SLC37A1: variants seen among roughly 807,000 people sequenced by gnomAD.
SLC37A1 encodes glucose-6-phosphate exchanger SLC37A1.
In SLC37A1, 49 loss-of-function variants were observed where a neutral mutation model predicts 75.3. That is an observed-to-expected ratio of 0.65 (90% CI 0.52 to 0.83). The LOEUF is 0.83. Among genes scored for constraint, SLC37A1 ranks in the 40% least tolerant of loss-of-function variants. The probability of loss-of-function intolerance (pLI) is 0.00; values close to 1 mark genes in which losing one functional copy is unlikely to be tolerated. For synonymous variants in SLC37A1, 268 were observed against 292.1 expected (o/e 0.92, Z 0.84); for missense variants, 566 against 695.0 (o/e 0.81, Z 2.09).
At chr21:42,578,154 G>GC (rs2056345515) in intron 18 of SLC37A1, among the ~76,000 whole-genome samples, 1 of 152,194 alleles carries the variant, frequency 6.6e-6, no homozygotes, top group Admixed American at 6.5e-5. Flanking sequence ...GTCCTGGGGG[G>GC]CCAGAGGGCA....
chr21:42,568,218 C>A, intron 16 of SLC37A1, 142 bp from the exon 17 acceptor site: 1 of 679,702 alleles, frequency 1.5e-6, no homozygotes, highest in Non-Finnish European at 2.6e-6. Flanking sequence ...CCAAGGCAAG[C>A]TTGGGGTGGA....
chr21:42,549,737 G>T (rs897762631), intron 9 of SLC37A1, among the ~76,000 whole-genome samples: 1 of 152,178 alleles, frequency 6.6e-6, no homozygotes, highest in African/African-American at 2.4e-5. Context: ...ACAAATGGGA[G>T]CTTTTGGGCA....
chr21:42,557,121 G>A (rs1033768510), intron 10 of SLC37A1, among the ~76,000 whole-genome samples: 6 of 152,232 alleles, frequency 3.9e-5, no homozygotes, highest in East Asian at 1.9e-4. Flanking sequence ...ACTTCTCTGC[G>A]GGTCAGAGGG....
upstream of SLC37A1, among the ~76,000 whole-genome samples, chr21:42,511,327 A>G (rs2054430737): frequency 1.3e-5 from 2 of 152,238 alleles, no homozygotes; most frequent in African/African-American, 4.8e-5. Flanking sequence ...TATGGGATGC[A>G]GCAAAAGCAG....
chr21:42,518,893 A>G (rs1196431406), intron 2 of SLC37A1, among the ~76,000 whole-genome samples: 1 of 152,278 alleles, frequency 6.6e-6, no homozygotes, highest in Non-Finnish European at 1.5e-5. Flanking sequence ...TTGCCGGGGC[A>G]GAACTTTCAG....
At chr21:42,511,686 G>C (rs2054434242), upstream of SLC37A1, among the ~76,000 whole-genome samples, 1 of 152,226 alleles carries the variant, frequency 6.6e-6, no homozygotes, top group South Asian at 2.1e-4. Flanking sequence ...TCAGGAGGCT[G>C]AGGGGGAGGA....
chr21:42,542,644 C>G (rs567832528), intron 7 of SLC37A1, among the ~76,000 whole-genome samples, 164 bp downstream of exon 7: 16 of 152,380 alleles, frequency 1.1e-4, no homozygotes, highest in South Asian at 2.1e-4. Flanking sequence ...TGGCCTGTGT[C>G]CCACGAGACA....
intron 8 of SLC37A1, among the ~76,000 whole-genome samples, chr21:42,544,226 G>T (rs1018781481): frequency 3.0e-4 from 45 of 152,142 alleles, no homozygotes; most frequent in Admixed American, 1.6e-3. Context: ...CTCGAATCCC[G>T]CAAGCCATTC....
intron 1 of SLC37A1, among the ~76,000 whole-genome samples, chr21:42,501,688 G>C (rs1601644432): frequency 6.6e-6 from 1 of 152,136 alleles, no homozygotes; most frequent in African/African-American, 2.4e-5. Context: ...CTCTGGCCTG[G>C]GCGACAAGAG....
chr21:42,541,933 G>A (rs1254296300), intron 6 of SLC37A1, among the ~76,000 whole-genome samples: 1 of 152,052 alleles, frequency 6.6e-6, no homozygotes, highest in African/African-American at 2.4e-5. Flanking sequence ...TAGACAAGGG[G>A]GTCTCTCTAT....
At chr21:42,512,401 C>T (rs865962797), upstream of SLC37A1, among the ~76,000 whole-genome samples, 5 of 152,188 alleles carry the variant, frequency 3.3e-5, no homozygotes, top group Middle Eastern at 3.4e-3. Flanking sequence ...CTTGAGGCAG[C>T]TTAAAGAGTG....
intron 3 of SLC37A1, among the ~76,000 whole-genome samples, chr21:42,527,931 A>G (rs1232409640): frequency 6.6e-6 from 1 of 152,224 alleles, no homozygotes; most frequent in East Asian, 1.9e-4. Flanking sequence ...GCTTGAGCTC[A>G]TGATATAAAT....
chr21:42,558,093 C>G (rs2055736767), intron 10 of SLC37A1, among the ~76,000 whole-genome samples: 1 of 152,180 alleles, frequency 6.6e-6, no homozygotes, highest in African/African-American at 2.4e-5. Flanking sequence ...AAGCGCATAC[C>G]ACCACATTCC....
chr21:42,525,035 G>A (rs2054746054), intron 2 of SLC37A1, among the ~76,000 whole-genome samples: 1 of 152,176 alleles, frequency 6.6e-6, no homozygotes, highest in Non-Finnish European at 1.5e-5. Context: ...TGTGTAATGA[G>A]GCCTCCACAG....
intron 1 of SLC37A1, among the ~76,000 whole-genome samples, chr21:42,499,943 CT>C (rs1328958670): frequency 6.6e-6 from 1 of 152,242 alleles, no homozygotes; most frequent in African/African-American, 2.4e-5. Flanking sequence ...CTGGGGCTGC[CT>C]TCTGTATTTT....
Position 42,558,964 on chromosome 21 carries a change from G to GAGATGCAGTGCCTGCTGCTCTC in SLC37A1, c.862_883dup (p.Gly295AlafsTer74), listed in dbSNP as rs1469640680. 1 of 1,613,932 alleles carries GAGATGCAGTGCCTGCTGCTCTC rather than the reference G, an allele frequency of 6.2e-7. No individual in the cohort carries two copies. Among genetic ancestry groups the GAGATGCAGTGCCTGCTGCTCTC allele is most frequent in the Non-Finnish European group, 8.5e-7 (1 of 1,179,972 alleles). On this transcript the variant is annotated frameshift_variant, in exon 11 of 20. Coordinates refer to ENST00000352133, the MANE Select transcript of SLC37A1 (RefSeq NM_001320537.2). LOFTEE classifies it high-confidence loss of function. ...CCAATGGATTTGCCTCCAGGACCCAGAGATGCAGTGCCTGCTGCTCTCAGA... is the reference window on the plus strand; with the variant it reads ...CCAATGGATTTGCCTCCAGGACCCAGAGATGCAGTGCCTGCTGCTCTCAGATGCAGTGCCTGCTGCTCTCAGA...
At chr21:42,574,979 A>G in intron 18 of SLC37A1, 64 bp downstream of exon 18, 1 of 1,599,532 alleles carries the variant, frequency 6.3e-7, no homozygotes, top group Non-Finnish European at 8.5e-7. Flanking sequence ...GTGTCCAAAC[A>G]CTGGTGGAAC....
intron 18 of SLC37A1, chr21:42,575,869 G>T: frequency 1.0e-6 from 1 of 985,238 alleles, no homozygotes; most frequent in Non-Finnish European, 1.2e-6. Context: ...ATCATCTGTG[G>T]GTTCTTTTAA....
chr21:42,559,875 C>CAA (rs35483329), intron 11 of SLC37A1, among the ~76,000 whole-genome samples: 60,559 of 127,086 alleles, frequency 0.48, 14,106 homozygotes, highest in Admixed American at 0.61. Flanking sequence ...GACTCTGTCT[C>CAA]AAAAAAAAAA....
Sources: gnomAD v4.1 joint callset for allele counts (sites outside exome capture counted in the v4.1 genomes callset) on GRCh38, gnomAD v4.1.1 for gene constraint, MANE v1.5 for transcripts, NCBI Gene and HGNC (gene_info 2026-07-23, HGNC 2026-07-21) for gene names.